Variants in SP100 observed in about 807,000 individuals in gnomAD.
The protein encoded by SP100 is nuclear autoantigen Sp-100.
Under a neutral mutation model 130.0 loss-of-function variants are expected in SP100, and 84 were observed. The ratio of observed to expected loss-of-function variants is 0.65; its 90% confidence interval spans 0.54 to 0.77. SP100 has a LOEUF of 0.77. Ranked by LOEUF, SP100 falls within the 30% of genes least tolerant of loss-of-function variation. The pLI, the probability that SP100 is intolerant of heterozygous loss-of-function variation, is 0.00. For synonymous variants in SP100, 331 were observed against 351.7 expected (o/e 0.94, Z 0.66); for missense variants, 978 against 1,052.2 (o/e 0.93, Z 0.97).
intron 18 of SP100, among the ~76,000 whole-genome samples, chr2:230,497,566 G>A (rs1166312743): frequency 1.1e-5 from 1 of 91,880 alleles, no homozygotes; most frequent in African/African-American, 3.2e-5. Flanking sequence ...GGAAAGGAAA[G>A]GAAAGGAAAG....
intron 24 of SP100, chr2:230,515,827 A>G: frequency 7.1e-7 from 1 of 1,401,568 alleles, no homozygotes; most frequent in Middle Eastern, 2.7e-4. Context: ...TCCTGGTGGT[A>G]TTTAGCCACT....
At chr2:230,433,557 TACTG>T (rs993243664) in intron 2 of SP100, among the ~76,000 whole-genome samples, 3 of 152,130 alleles carry the variant, frequency 2.0e-5, no homozygotes, top group African/African-American at 4.8e-5. Context: ...ATAGGAATCA[TACTG>T]AGTCTCTAGA....
chr2:230,481,142 C>T (rs183958199), intron 17 of SP100, among the ~76,000 whole-genome samples: 6 of 151,996 alleles, frequency 3.9e-5, no homozygotes, highest in Non-Finnish European at 8.8e-5. Flanking sequence ...TCTCTATACT[C>T]TCTCCCTAGG....
rs549571583 is a variant in SP100, at chr2:230,515,947, A to G, written c.2094+4781A>G. 55 of 1,054,984 alleles carry G rather than the reference A, an allele frequency of 5.2e-5. No homozygotes were observed. The African/African-American group carries it at 9.1e-4, about 18-fold the overall frequency. 65.4% of individuals were successfully genotyped at this position (1,054,984 alleles called of 1,614,324 possible). On this transcript the variant is annotated intron_variant, in intron 24 of 28. Coordinates refer to ENST00000340126, the MANE Select transcript of SP100 (RefSeq NM_001080391.2). ...TGTATATGAGGATGGTAGTTTTTTCACCTTCAGTTGTCTCTGATGTAGCTT... is the reference window on the plus strand; with the variant it reads ...TGTATATGAGGATGGTAGTTTTTTCGCCTTCAGTTGTCTCTGATGTAGCTT...
chr2:230,498,336 T>C, intron 18 of SP100, 125 bp from the exon 19 acceptor site: 1 of 455,544 alleles, frequency 2.2e-6, no homozygotes, highest in Non-Finnish European at 3.9e-6. Context: ...AGGCTATGTG[T>C]TACATATTTT....
intron 17 of SP100, among the ~76,000 whole-genome samples, chr2:230,492,344 T>C (rs976526335): frequency 1.3e-5 from 2 of 152,204 alleles, no homozygotes; most frequent in Non-Finnish European, 2.9e-5. Context: ...GGTCTCACTC[T>C]GTCACCCAGG....
chr2:230,503,204 T>C (rs1484179489), intron 20 of SP100, 94 bp downstream of exon 20: 1 of 891,198 alleles, frequency 1.1e-6, no homozygotes, highest in Non-Finnish European at 1.7e-6. Flanking sequence ...TTAATTGGCA[T>C]ATGGAGCTAG....
chr2:230,449,746 C>T, intron 7 of SP100, 36 bp downstream of exon 7: 1 of 1,611,130 alleles, frequency 6.2e-7, no homozygotes, highest in Non-Finnish European at 8.5e-7. Flanking sequence ...TGGGGAGGAG[C>T]CAAGGGGCCC....
At position 230,450,179 on chromosome 2, in the gene SP100, C is replaced by T. The variant is rs186304088; in HGVS notation, c.744C>T (p.Cys248=). The change falls in exon 8 of 29, where the codon TGC becomes TGT. Residue 248 remains cysteine, a synonymous_variant. Transcript: ENST00000340126. Reference sequence around the variant, plus strand: ...GATCTCGTTTATCTCCAGAGTCCTGCGAACAAATTGCTGTCCAAGTGAATA... The same window carrying T: ...GATCTCGTTTATCTCCAGAGTCCTGTGAACAAATTGCTGTCCAAGTGAATA... ...CAQKAEPTES[C]EQIAVQVNNG... is the part of the protein sequence containing the mutation. 1.0e-4 allele frequency: 167 copies of T among 1,612,616 alleles called. 2 individuals carry two copies. Among genetic ancestry groups the T allele is most frequent in the Non-Finnish European group, 6.0e-5 (71 of 1,178,722 alleles).
At chr2:230,499,564 AAG>A (rs1235026615) in intron 19 of SP100, among the ~76,000 whole-genome samples, 1 of 128,752 alleles carries the variant, frequency 7.8e-6, no homozygotes, top group African/African-American at 2.8e-5. Flanking sequence ...CTTGGGAATT[AAG>A]ACACTGGATG....
Position 230,446,780 on chromosome 2 carries a change from G to A in SP100, c.440-39G>A, listed in dbSNP as rs567477554. Reference sequence around the variant, plus strand: ...TTTCCAGACATTGTCCCTGGTCCCTGTAGATCTCTAATTGCTTCTTCTCTC... The same window carrying A: ...TTTCCAGACATTGTCCCTGGTCCCTATAGATCTCTAATTGCTTCTTCTCTC... On this transcript the variant is annotated intron_variant, in intron 4 of 28. Coordinates refer to ENST00000340126, the MANE Select transcript of SP100 (RefSeq NM_001080391.2). 16 of 1,287,172 alleles carry A rather than the reference G, an allele frequency of 1.2e-5. No homozygotes were observed. The African/African-American group carries it at 1.3e-4, about 11-fold the overall frequency. 79.7% of individuals were successfully genotyped at this position (1,287,172 alleles called of 1,614,324 possible). A position where few individuals can be genotyped will look rare whatever the true frequency, so the allele number is the denominator to read the frequency against.
intron 2 of SP100, among the ~76,000 whole-genome samples, chr2:230,428,945 GT>G (rs1223384140): frequency 6.6e-6 from 1 of 152,156 alleles, no homozygotes; most frequent in East Asian, 1.9e-4. Context: ...TTAATAGTTT[GT>G]TTTTTAACTT....
At chr2:230,536,449 T>C (rs1691944125) in intron 24 of SP100, among the ~76,000 whole-genome samples, 1 of 152,188 alleles carries the variant, frequency 6.6e-6, no homozygotes, top group Admixed American at 6.5e-5. Context: ...TTGAGAGAGT[T>C]ACATTTGTCT....
intron 17 of SP100, among the ~76,000 whole-genome samples, chr2:230,480,427 A>T (rs891586060): frequency 6.6e-6 from 1 of 152,234 alleles, no homozygotes; most frequent in Non-Finnish European, 1.5e-5. Context: ...GGGATTTTTC[A>T]TTGCTTGCTC....
chr2:230,541,355 G>A lies in SP100; in HGVS notation c.2386G>A (p.Ala796Thr), dbSNP rs17275036. 0.086 allele frequency: 138,764 copies of A among 1,612,738 alleles called. 6,667 individuals are homozygous for A. Among genetic ancestry groups the A allele is most frequent in the Middle Eastern group, 0.12 (697 of 6,060 alleles). ...CTGTGATTCGAAAAGCTGCTTTTTC[G>A]CCTCAGAACCGTATTATGTAAGTAA... Reference protein sequence around the residue: ...VYCDSKSCFFASEPYYNREGS... With the variant: ...VYCDSKSCFFTSEPYYNREGS... The change falls in exon 27 of 29, where the codon GCC becomes ACC. Residue 796 changes from alanine to threonine, a missense_variant. Transcript: ENST00000340126.
intron 5 of SP100, among the ~76,000 whole-genome samples, chr2:230,448,699 G>A (rs1293929680): frequency 6.6e-6 from 1 of 152,214 alleles, no homozygotes; most frequent in African/African-American, 2.4e-5. Context: ...GATGTGGAGA[G>A]GGAGGGTGTT....
At chr2:230,534,885 TTG>T (rs1691858617) in intron 24 of SP100, among the ~76,000 whole-genome samples, 1 of 152,204 alleles carries the variant, frequency 6.6e-6, no homozygotes, top group Non-Finnish European at 1.5e-5. Flanking sequence ...TTATTTTGCA[TTG>T]ATTCTTCTCA....
chr2:230,515,758 C>G (rs574480521), intron 24 of SP100: 18 of 1,504,602 alleles, frequency 1.2e-5, no homozygotes, highest in East Asian at 4.5e-5. Context: ...GTTTTTAAAC[C>G]GTACACTGTG....
intron 8 of SP100, among the ~76,000 whole-genome samples, chr2:230,450,767 T>C (rs748155158): frequency 8.5e-5 from 13 of 152,356 alleles, no homozygotes; most frequent in East Asian, 1.9e-4. Flanking sequence ...CATAATATCC[T>C]CCAGGTTCAT....
Sources: gnomAD v4.1 joint callset for allele counts (sites outside exome capture counted in the v4.1 genomes callset) on GRCh38, gnomAD v4.1.1 for gene constraint, MANE v1.5 for transcripts, NCBI Gene and HGNC (gene_info 2026-07-23, HGNC 2026-07-21) for gene names.